SLIT3: variants seen among roughly 807,000 people sequenced by gnomAD.
SLIT3 encodes slit guidance ligand 3.
SLIT3 carries 68 observed loss-of-function variants against 184.0 expected under a neutral mutation model. That is an observed-to-expected ratio of 0.37 (90% CI 0.30 to 0.45). SLIT3 has a LOEUF of 0.45. SLIT3 is among the 20% of genes least tolerant of loss of function. The pLI is 1.00. For synonymous variants in SLIT3, 831 were observed against 828.6 expected (o/e 1.00, Z -0.05); for missense variants, 1,707 against 2,026.0 (o/e 0.84, Z 3.02).
rs79253291 is a variant in SLIT3, at chr5:168,986,642, G to A, written c.414-103306C>T. On this transcript the variant is annotated intron_variant, in intron 4 of 35. Transcript: ENST00000519560. ...ATGGCCCTCCCTTCCTGTGCTAGTG[G>A]GAGTTTTCTCCACCACAAGCAGTTT... Among the ~76,000 whole-genome samples the A allele has an allele frequency of 1.7e-3, 252 of 152,198 alleles. 2 individuals carry two copies. The highest frequency in any genetic ancestry group is 6.8e-3 in the Middle Eastern group (2 of 294).
intron 12 of SLIT3, among the ~76,000 whole-genome samples, chr5:168,785,685 T>A (rs1756127633): frequency 6.6e-6 from 1 of 152,200 alleles, no homozygotes; most frequent in Non-Finnish European, 1.5e-5. Flanking sequence ...CTCGGCTGTA[T>A]CATTTGGGTT....
intron 3 of SLIT3, among the ~76,000 whole-genome samples, chr5:169,228,646 G>A (rs1167506355): frequency 2.0e-5 from 3 of 152,112 alleles, no homozygotes; most frequent in African/African-American, 7.2e-5. Flanking sequence ...CCTCTAAAAC[G>A]AAATAGAACA....
intron 4 of SLIT3, among the ~76,000 whole-genome samples, chr5:169,137,335 C>CACAGAGAGAGAGAGAGAG (rs368371904): frequency 4.3e-5 from 6 of 138,662 alleles, no homozygotes; most frequent in African/African-American, 1.7e-4. Flanking sequence ...CACACACACA[C>CACAGAGAGAGAGAGAGAG]AGAGAGAGAG....
chr5:169,019,384 T>C (rs1294231381), intron 4 of SLIT3, among the ~76,000 whole-genome samples: 1 of 152,260 alleles, frequency 6.6e-6, no homozygotes, highest in Non-Finnish European at 1.5e-5. Flanking sequence ...TTGCTAGTTA[T>C]AAGTTAGAGT....
chr5:168,932,902 A>G (rs1393091854), intron 4 of SLIT3, among the ~76,000 whole-genome samples: 1 of 152,224 alleles, frequency 6.6e-6, no homozygotes, highest in Non-Finnish European at 1.5e-5. Context: ...GCCCATAGAA[A>G]GAGCTCAGTC....
rs75073801 is a variant in SLIT3 at position 169,105,272 on chromosome 5, C to T, written c.413+88207G>A. On this transcript the variant is annotated intron_variant, in intron 4 of 35. Transcript: ENST00000519560. ...CTGGAGACACATCATTTGGTTAAACCGCACATAAATTTAACCTCTCTCCAA... is the reference window on the plus strand; with the variant it reads ...CTGGAGACACATCATTTGGTTAAACTGCACATAAATTTAACCTCTCTCCAA... 3.7e-4 allele frequency among the ~76,000 whole-genome samples: 57 copies of T among 152,264 alleles called. 1 individual carries two copies. In the East Asian group the frequency reaches 0.01, roughly 28 times the overall value.
chr5:169,067,165 T>A (rs554682108), intron 4 of SLIT3, among the ~76,000 whole-genome samples: 1 of 152,236 alleles, frequency 6.6e-6, no homozygotes, highest in South Asian at 2.1e-4. Context: ...ATCCCAGCAC[T>A]TTGGGAGGCT....
intron 4 of SLIT3, among the ~76,000 whole-genome samples, chr5:169,003,725 G>C (rs1299558415): frequency 6.6e-6 from 1 of 152,226 alleles, no homozygotes; most frequent in African/African-American, 2.4e-5. Context: ...ACCAACAGGG[G>C]ACTCTCTTTT....
intron 1 of SLIT3, among the ~76,000 whole-genome samples, chr5:169,275,965 G>T (rs1766786786): frequency 6.6e-6 from 1 of 152,108 alleles, no homozygotes; most frequent in Non-Finnish European, 1.5e-5. Flanking sequence ...CAGTGATAAA[G>T]GGTGTACATG....
intron 4 of SLIT3, among the ~76,000 whole-genome samples, chr5:168,906,433 A>G (rs1036349980): frequency 1.3e-5 from 2 of 152,248 alleles, no homozygotes; most frequent in East Asian, 3.8e-4. Context: ...AAAAGAGTTT[A>G]AAATAAGTGA....
chr5:168,828,738 T>C (rs571345475), intron 6 of SLIT3, among the ~76,000 whole-genome samples: 1 of 151,646 alleles, frequency 6.6e-6, no homozygotes, highest in South Asian at 2.1e-4. Context: ...GAAATGCATA[T>C]GCTCAAGCCC....
At chr5:169,194,483 C>A (rs899647341) in intron 3 of SLIT3, among the ~76,000 whole-genome samples, 7 of 152,038 alleles carry the variant, frequency 4.6e-5, no homozygotes, top group African/African-American at 1.7e-4. Context: ...CCTTTGTGGG[C>A]TGCTTTCTAC....
At chr5:168,887,215 G>A (rs548568349) in intron 4 of SLIT3, among the ~76,000 whole-genome samples, 4 of 152,206 alleles carry the variant, frequency 2.6e-5, no homozygotes, top group Admixed American at 6.5e-5. Context: ...AAGACTAGGA[G>A]GAGGAACATG....
At chr5:168,876,061 C>A (rs772353962) in intron 5 of SLIT3, among the ~76,000 whole-genome samples, 16 of 152,086 alleles carry the variant, frequency 1.1e-4, no homozygotes, top group Admixed American at 2.0e-4. Flanking sequence ...CCATTTGAGA[C>A]GAGAGCCAGG....
intron 4 of SLIT3, among the ~76,000 whole-genome samples, chr5:168,932,726 A>C (rs933448966): frequency 2.6e-5 from 4 of 152,210 alleles, no homozygotes; most frequent in Non-Finnish European, 5.9e-5. Context: ...GTTTGTTTCC[A>C]CATCTGTAAA....
At chr5:168,805,760 C>T (rs1185502264) in intron 9 of SLIT3, among the ~76,000 whole-genome samples, 1 of 152,144 alleles carries the variant, frequency 6.6e-6, no homozygotes, top group South Asian at 2.1e-4. Context: ...AGCTCAGTCC[C>T]CCTCTCAGAT....
At position 168,685,689 on chromosome 5, in the gene SLIT3, G is replaced by A. The variant is rs1176472080; in HGVS notation, c.3553C>T (p.Gln1185Ter). The change falls in exon 31 of 36, where the codon CAG (glutamine) becomes TAG (stop). Residue 1185 changes from glutamine to a stop codon, truncating the protein, a stop_gained and splice_region_variant. Coordinates refer to ENST00000519560, the MANE Select transcript of SLIT3 (RefSeq NM_003062.4). LOFTEE classifies it high-confidence loss of function. ...KVRPQANISL[Q>*]VATDKDNGIL... ...GGGCAGGGCAGGGCGGGACACACCTGCAGGGAGATGTTGGCCTGGGGTCGG... is the reference window on the plus strand; with the variant it reads ...GGGCAGGGCAGGGCGGGACACACCTACAGGGAGATGTTGGCCTGGGGTCGG... 6.4e-7 allele frequency: 1 copy of A among 1,556,694 alleles called. No homozygotes were observed. The highest frequency in any genetic ancestry group is 8.7e-7 in the Non-Finnish European group (1 of 1,146,914).
intron 5 of SLIT3, among the ~76,000 whole-genome samples, chr5:168,873,587 G>T (rs1385367608): frequency 2.0e-5 from 3 of 152,216 alleles, no homozygotes; most frequent in Middle Eastern, 3.4e-3. Context: ...CCAAGGTCCT[G>T]CCACTGCACT....
intron 7 of SLIT3, among the ~76,000 whole-genome samples, chr5:168,820,637 T>C (rs1042436715): frequency 1.3e-5 from 2 of 152,198 alleles, no homozygotes; most frequent in Middle Eastern, 6.3e-3. Context: ...CTCATTTAGA[T>C]ACTGTAGCAC....
Sources: gnomAD v4.1 joint callset for allele counts (sites outside exome capture counted in the v4.1 genomes callset) on GRCh38, gnomAD v4.1.1 for gene constraint, MANE v1.5 for transcripts, NCBI Gene and HGNC (gene_info 2026-07-23, HGNC 2026-07-21) for gene names.